Variants in ITGBL1 observed in about 807,000 individuals in gnomAD.
ITGBL1 encodes the protein integrin beta-like protein 1.
A neutral mutation model predicts 68.5 loss-of-function variants in ITGBL1; 51 were observed. The ratio of observed to expected loss-of-function variants is 0.74; its 90% CI spans 0.59 to 0.94. The LOEUF (loss-of-function observed/expected upper bound fraction) is 0.94. ITGBL1 is among the 40% of genes least tolerant of loss of function. The pLI is 0.00. For synonymous variants in ITGBL1, 209 were observed against 227.3 expected (o/e 0.92, Z 0.72); for missense variants, 649 against 647.4 (o/e 1.00, Z -0.03).
intron 7 of ITGBL1, among the ~76,000 whole-genome samples, chr13:101,609,621 G>T (rs1220858982): frequency 6.6e-6 from 1 of 152,076 alleles, no homozygotes; most frequent in Admixed American, 6.6e-5. Flanking sequence ...TCTTGTGTTT[G>T]ATCTTGCCTT....
Position 101,709,371 on chromosome 13 carries a change from C to CAACAA in ITGBL1, c.1279+2471_1279+2472insCAAAA, listed in dbSNP as rs770658418. Among the ~76,000 whole-genome samples, 4 of 61,198 alleles carry CAACAA rather than the reference C, an allele frequency of 6.5e-5. 1 individual carries two copies. Among genetic ancestry groups the CAACAA allele is most frequent in the African/African-American group, 3.9e-4 (4 of 10,186 alleles). 40.1% of individuals were successfully genotyped at this position (61,198 alleles called of 152,430 possible). On this transcript the variant is annotated intron_variant, in intron 9 of 10. Coordinates refer to ENST00000376180, the MANE Select transcript of ITGBL1 (RefSeq NM_004791.3). Reference sequence around the variant, plus strand: ...TGGGTGACAGAGCGAGACTCCGTCTCAAAAAAAAAAAAAAAAAAAAAAAAA... The same window carrying CAACAA: ...TGGGTGACAGAGCGAGACTCCGTCTCAACAAAAAAAAAAAAAAAAAAAAAAAAAAA...
At chr13:101,693,444 T>C (rs937127373) in intron 8 of ITGBL1, among the ~76,000 whole-genome samples, 1 of 152,160 alleles carries the variant, frequency 6.6e-6, no homozygotes, top group African/African-American at 2.4e-5. Context: ...AAACAGAATG[T>C]GTGTCTTTTC....
chr13:101,709,371 CAAAAAAAAAAAAAA>C (rs747662212), intron 9 of ITGBL1, among the ~76,000 whole-genome samples: 24 of 61,194 alleles, frequency 3.9e-4, no homozygotes, highest in Admixed American at 1.1e-3. Context: ...GACTCCGTCT[CAAAAAAAAAAAAAA>C]AAAAAAAAAA....
At chr13:101,468,868 G>A (rs145834250) in intron 2 of ITGBL1, among the ~76,000 whole-genome samples, 1 of 152,288 alleles carries the variant, frequency 6.6e-6, no homozygotes, top group Non-Finnish European at 1.5e-5. Flanking sequence ...TAGAGAGATT[G>A]CATTTAACAT....
At chr13:101,490,119 C>A in intron 2 of ITGBL1, 1 of 671,042 alleles carries the variant, frequency 1.5e-6, no homozygotes, top group Non-Finnish European at 2.5e-6. Context: ...GGAGGTGGGG[C>A]CTTTTGGAGA....
At chr13:101,455,610 G>A (rs2048232853) in intron 2 of ITGBL1, among the ~76,000 whole-genome samples, 1 of 152,324 alleles carries the variant, frequency 6.6e-6, no homozygotes, top group Admixed American at 6.5e-5. Context: ...GTTGCAGAGA[G>A]CCAAGATCAT....
intron 2 of ITGBL1, among the ~76,000 whole-genome samples, chr13:101,514,576 T>C (rs1459543017): frequency 6.6e-6 from 1 of 152,076 alleles, no homozygotes; most frequent in African/African-American, 2.4e-5. Flanking sequence ...TGATGAGAAA[T>C]ATAAAAACAA....
rs74670845 is a variant in ITGBL1 at position 101,628,307 on chromosome 13, A to G, written c.1015+30008A>G. 4.0e-3 allele frequency among the ~76,000 whole-genome samples: 601 copies of G among 151,848 alleles called. 27 individuals are homozygous for G. The East Asian group carries it at 0.11, about 27-fold the overall frequency. On this transcript the variant is annotated intron_variant, in intron 7 of 10. Transcript: ENST00000376180. ...TTAAATTGTTTTTCTCTTATTGTTG[A>G]GTTTTAGGAGTTATTTGTATATTTT... is the stretch of plus-strand genomic sequence containing the variant.
chr13:101,670,168 A>G (rs1335644386), intron 7 of ITGBL1, among the ~76,000 whole-genome samples: 1 of 151,992 alleles, frequency 6.6e-6, no homozygotes, highest in Non-Finnish European at 1.5e-5. Flanking sequence ...GCATGCTTTT[A>G]CTTTTTTTAA....
At chr13:101,612,659 C>A (rs1162941468) in intron 7 of ITGBL1, among the ~76,000 whole-genome samples, 1 of 151,864 alleles carries the variant, frequency 6.6e-6, no homozygotes, top group Non-Finnish European at 1.5e-5. Context: ...AGAGGAAAAC[C>A]CAGAGGGATT....
chr13:101,598,960 A>G (rs936145850), intron 7 of ITGBL1, among the ~76,000 whole-genome samples: 5 of 152,138 alleles, frequency 3.3e-5, no homozygotes, highest in African/African-American at 1.2e-4. Flanking sequence ...CAGTAATGGG[A>G]TGGCTGAGTC....
At chr13:101,498,657 C>G (rs1451732128) in intron 2 of ITGBL1, among the ~76,000 whole-genome samples, 2 of 152,102 alleles carry the variant, frequency 1.3e-5, no homozygotes, top group East Asian at 3.9e-4. Flanking sequence ...ATAATTTGTT[C>G]AGTTGTATAC....
rs545202169 is a variant in ITGBL1, at chr13:101,495,198, G to A, written c.316+41098G>A. Among the ~76,000 whole-genome samples, 151 of 152,220 alleles carry A rather than the reference G, an allele frequency of 9.9e-4. No individual in the cohort carries two copies. In the Middle Eastern group the frequency reaches 0.01, roughly 10 times the overall value. On this transcript the variant is annotated intron_variant, in intron 2 of 10. Coordinates refer to ENST00000376180, the MANE Select transcript of ITGBL1 (RefSeq NM_004791.3). ...CAGAAAGAGTATTGACTTTAAATGG[G>A]CTCCAAAATATATAAGTAGCAGGAA...
intron 7 of ITGBL1, among the ~76,000 whole-genome samples, chr13:101,608,076 G>C (rs1051614228): frequency 6.6e-6 from 1 of 152,056 alleles, no homozygotes; most frequent in African/African-American, 2.4e-5. Context: ...ATAAGGGAAG[G>C]TGTGAAATGG....
intron 5 of ITGBL1, among the ~76,000 whole-genome samples, chr13:101,580,987 C>T (rs569253341): frequency 2.0e-5 from 3 of 152,030 alleles, no homozygotes; most frequent in Non-Finnish European, 4.4e-5. Flanking sequence ...GAAGACAGGG[C>T]AGAAGTGGGC....
Position 101,468,281 on chromosome 13 carries a change from T to G in ITGBL1, c.316+14181T>G, listed in dbSNP as rs140720021. Among the ~76,000 whole-genome samples, 321 of 152,348 alleles carry G rather than the reference T, an allele frequency of 2.1e-3. 2 individuals are homozygous for G. Among genetic ancestry groups the G allele is most frequent in the African/African-American group, 7.2e-3 (301 of 41,594 alleles). On this transcript the variant is annotated intron_variant, in intron 2 of 10. Coordinates refer to ENST00000376180, the MANE Select transcript of ITGBL1 (RefSeq NM_004791.3). ...GAAAGTATTTGATTTGTTAACTATG[T>G]GCTCGAGAGACTTCTCTCAGTTGCC...
chr13:101,601,293 A>AT (rs1182727657), intron 7 of ITGBL1, among the ~76,000 whole-genome samples: 2 of 151,946 alleles, frequency 1.3e-5, no homozygotes, highest in African/African-American at 4.8e-5. Flanking sequence ...CCCCTTTGTC[A>AT]TTTTTTATTG....
chr13:101,624,166 G>T (rs1893504267), intron 7 of ITGBL1, among the ~76,000 whole-genome samples: 1 of 151,984 alleles, frequency 6.6e-6, no homozygotes, highest in Non-Finnish European at 1.5e-5. Context: ...GCTTTCTCTG[G>T]GCAAATTCAC....
chr13:101,496,224 G>A (rs967190557), intron 2 of ITGBL1, among the ~76,000 whole-genome samples: 1 of 152,176 alleles, frequency 6.6e-6, no homozygotes, highest in African/African-American at 2.4e-5. Flanking sequence ...TAATCTAGAG[G>A]TAGACGCTCC....
Sources: allele counts gnomAD v4.1 joint callset (sites outside exome capture counted in the v4.1 genomes callset), GRCh38; gene constraint gnomAD v4.1.1; transcripts MANE v1.5; gene names NCBI Gene and HGNC (gene_info 2026-07-23, HGNC 2026-07-21).